Variants in SCHIP1 observed in about 807,000 individuals in gnomAD.
The protein encoded by SCHIP1 is schwannomin interacting protein 1, also known as schwannomin-interacting protein 1.
SCHIP1 carries 8 observed loss-of-function variants against 29.7 expected under a neutral mutation model. That is an observed-to-expected ratio of 0.27 (90% CI 0.16 to 0.49). The LOEUF (loss-of-function observed/expected upper bound fraction) is 0.49, where lower values mean the gene tolerates loss of function less well. Ranked by LOEUF, SCHIP1 falls within the 20% of genes least tolerant of loss-of-function variation. The pLI is 0.99. For missense variants in SCHIP1, 193 were observed against 294.6 expected, an observed-to-expected ratio of 0.66 and a Z score of 2.52; for synonymous variants, 76 against 94.9, an observed-to-expected ratio of 0.80 and a Z score of 1.16.
the SCHIP1 span, among the ~76,000 whole-genome samples, chr3:159,444,000 A>T: frequency 3.9e-5 from 6 of 152,122 alleles, no homozygotes; most frequent in African/African-American, 1.2e-4. Context: ...GTAGGGAAAG[A>T]GTAGAACTGG....
chr3:159,505,624 C>A, the SCHIP1 span, among the ~76,000 whole-genome samples: 15 of 152,184 alleles, frequency 9.9e-5, no homozygotes, highest in African/African-American at 3.6e-4. Flanking sequence ...CCCCTGGCCC[C>A]ACCCACCCTA....
chr3:159,336,491 T>C, the SCHIP1 span, among the ~76,000 whole-genome samples: 1 of 152,242 alleles, frequency 6.6e-6, no homozygotes, highest in African/African-American at 2.4e-5. Flanking sequence ...AACATTTAAG[T>C]TTTTAATCCA....
intron 6 of SCHIP1, chr3:159,893,897 G>A (rs1717796840): frequency 6.6e-6 from 1 of 152,130 alleles, no homozygotes; most frequent in Non-Finnish European, 1.5e-5. Flanking sequence ...TTTCCTCATT[G>A]GAGGGACCTG....
exon 7 of SCHIP1, chr3:159,896,761 T>G (rs750259199): frequency 1.8e-5 from 29 of 1,607,240 alleles, no homozygotes; most frequent in Non-Finnish European, 2.1e-5. Flanking sequence ...GCAGAGAAAA[T>G]GCCTGCAAAG....
intron 5 of SCHIP1, among the ~76,000 whole-genome samples, chr3:159,889,518 G>A (rs1340261178): frequency 6.6e-6 from 1 of 152,204 alleles, no homozygotes; most frequent in Non-Finnish European, 1.5e-5. Flanking sequence ...TAGGCAGTTA[G>A]TTGCTTGTCC....
chr3:159,755,107 C>T, the SCHIP1 span, among the ~76,000 whole-genome samples: 5 of 152,160 alleles, frequency 3.3e-5, no homozygotes, highest in South Asian at 6.2e-4. Context: ...TGGCGGCAGG[C>T]ACCTGTAGTC....
chr3:159,631,627 C>T, the SCHIP1 span, among the ~76,000 whole-genome samples: 5 of 152,164 alleles, frequency 3.3e-5, no homozygotes, highest in South Asian at 2.1e-4. Flanking sequence ...GTAGGCAAAT[C>T]GACAGAGACA....
the SCHIP1 span, among the ~76,000 whole-genome samples, chr3:159,326,666 T>C: frequency 1.3e-5 from 2 of 152,186 alleles, no homozygotes; most frequent in Non-Finnish European, 2.9e-5. Flanking sequence ...ATTCATTTGG[T>C]CTTCTTACAA....
chr3:159,533,164 G>A, the SCHIP1 span, among the ~76,000 whole-genome samples: 2 of 152,170 alleles, frequency 1.3e-5, no homozygotes, highest in African/African-American at 4.8e-5. Context: ...AGAGCACATG[G>A]CAAAGGAAGC....
chr3:159,882,018 G>T (rs370580622), intron 2 of SCHIP1, among the ~76,000 whole-genome samples: 220 of 152,324 alleles, frequency 1.4e-3, no homozygotes, highest in African/African-American at 5.1e-3. Context: ...GGGGAAACTG[G>T]AATACCATCA....
At chr3:159,747,745 T>C in the SCHIP1 span, among the ~76,000 whole-genome samples, 1 of 152,192 alleles carries the variant, frequency 6.6e-6, no homozygotes, top group Admixed American at 6.5e-5. Context: ...CACAGGCATC[T>C]GTGTGTTTTA....
the SCHIP1 span, among the ~76,000 whole-genome samples, chr3:159,814,592 A>G: frequency 6.6e-6 from 1 of 152,236 alleles, no homozygotes; most frequent in Non-Finnish European, 1.5e-5. Context: ...GGGAGCCCCC[A>G]GAAAGCTGTA....
At chr3:159,542,591 C>T in the SCHIP1 span, among the ~76,000 whole-genome samples, 1 of 151,918 alleles carries the variant, frequency 6.6e-6, no homozygotes, top group African/African-American at 2.4e-5. Context: ...TATGGATATA[C>T]AAAGTGCTAG....
At chr3:159,538,196 T>A in the SCHIP1 span, among the ~76,000 whole-genome samples, 1 of 152,134 alleles carries the variant, frequency 6.6e-6, no homozygotes, top group Non-Finnish European at 1.5e-5. Context: ...CCAAAATTGC[T>A]AAGAAAAGTG....
At chr3:159,327,916 C>T in the SCHIP1 span, among the ~76,000 whole-genome samples, 1 of 152,142 alleles carries the variant, frequency 6.6e-6, no homozygotes, top group Admixed American at 6.5e-5. Context: ...CAGAAAGCCT[C>T]CATCAGTGAA....
the SCHIP1 span, among the ~76,000 whole-genome samples, chr3:159,372,666 T>G: frequency 7.2e-5 from 11 of 152,124 alleles, no homozygotes; most frequent in Non-Finnish European, 1.3e-4. Context: ...TTATATAGCC[T>G]ACAAAAGCTA....
the SCHIP1 span, among the ~76,000 whole-genome samples, chr3:159,742,333 G>T: frequency 6.6e-6 from 1 of 152,226 alleles, no homozygotes; most frequent in African/African-American, 2.4e-5. Flanking sequence ...GCCCCCAAAA[G>T]TGTGGAATCT....
chr3:159,528,066 CCA>C, the SCHIP1 span, among the ~76,000 whole-genome samples: 2 of 152,162 alleles, frequency 1.3e-5, no homozygotes, highest in Non-Finnish European at 2.9e-5. Context: ...CTAATTACCT[CCA>C]GTCTTTTATT....
the SCHIP1 span, among the ~76,000 whole-genome samples, chr3:159,784,911 C>A: frequency 0.14 from 20,752 of 152,206 alleles, 1,640 homozygotes; most frequent in Middle Eastern, 0.29. Flanking sequence ...GCCTCTGCCC[C>A]CAAAGTGCTA....
Sources: allele counts gnomAD v4.1 joint callset (sites outside exome capture counted in the v4.1 genomes callset), GRCh38; gene constraint gnomAD v4.1.1; transcripts MANE v1.5; gene names NCBI Gene and HGNC (gene_info 2026-07-23, HGNC 2026-07-21).